The following EGFLAM variants were observed in gnomAD, a reference collection of about 807,000 sequenced individuals.
EGFLAM encodes the protein EGF like, fibronectin type III and laminin G domains, also known as pikachurin.
EGFLAM carries 79 observed loss-of-function variants against 113.1 expected under a neutral mutation model. That is an observed-to-expected ratio of 0.70 (90% CI 0.58 to 0.84). The LOEUF (loss-of-function observed/expected upper bound fraction) is 0.84, where lower values mean the gene tolerates loss of function less well. Ranked by LOEUF, EGFLAM falls within the 40% of genes least tolerant of loss-of-function variation. The pLI is 0.00. For missense variants in EGFLAM, 1,265 were observed against 1,291.6 expected (o/e 0.98, Z 0.32); for synonymous variants, 504 against 487.6 (o/e 1.03, Z -0.44).
intron 1 of EGFLAM, among the ~76,000 whole-genome samples, chr5:38,278,256 T>A (rs74468513): frequency 0.01 from 1,559 of 152,268 alleles, 28 homozygotes; most frequent in African/African-American, 0.036. Flanking sequence ...AGCCAGCTGA[T>A]TTTTGACACA....
intron 2 of EGFLAM, among the ~76,000 whole-genome samples, chr5:38,338,382 C>T (rs146888121): frequency 6.6e-6 from 1 of 152,224 alleles, no homozygotes; most frequent in Non-Finnish European, 1.5e-5. Context: ...TCTCTGGGCT[C>T]ATGTCTTATC....
chr5:38,337,240 C>T (rs1020123490), intron 1 of EGFLAM, among the ~76,000 whole-genome samples: 1 of 152,104 alleles, frequency 6.6e-6, no homozygotes, highest in African/African-American at 2.4e-5. Flanking sequence ...CTATGCTACC[C>T]TGAATCTCCC....
At chr5:38,270,145 G>T (rs1170429726) in intron 1 of EGFLAM, among the ~76,000 whole-genome samples, 1 of 152,218 alleles carries the variant, frequency 6.6e-6, no homozygotes, top group African/African-American at 2.4e-5. Flanking sequence ...TCACTGGTTG[G>T]TATGTGGGGA....
At chr5:38,274,625 G>T (rs1757843016) in intron 1 of EGFLAM, among the ~76,000 whole-genome samples, 1 of 152,126 alleles carries the variant, frequency 6.6e-6, no homozygotes, top group Non-Finnish European at 1.5e-5. Flanking sequence ...AGAAATGAAG[G>T]ATAGATAAAG....
intron 4 of EGFLAM, among the ~76,000 whole-genome samples, chr5:38,351,085 G>A (rs966850188): frequency 6.6e-6 from 1 of 151,518 alleles, no homozygotes; most frequent in Non-Finnish European, 1.5e-5. Flanking sequence ...AGAAGCCAAT[G>A]ACAAATGAGT....
chr5:38,437,675 G>A (rs1161485531), intron 16 of EGFLAM, among the ~76,000 whole-genome samples: 1 of 152,138 alleles, frequency 6.6e-6, no homozygotes, highest in East Asian at 1.9e-4. Context: ...ATGTGCAGCT[G>A]GGTTGAAATC....
At chr5:38,359,217 C>T (rs538730345) in intron 5 of EGFLAM, among the ~76,000 whole-genome samples, 52 of 152,180 alleles carry the variant, frequency 3.4e-4, no homozygotes, top group African/African-American at 1.0e-3. Context: ...CCATGCCTGT[C>T]GTATGCTGTC....
intron 6 of EGFLAM, among the ~76,000 whole-genome samples, chr5:38,395,285 C>A (rs13356150): frequency 0.2 from 29,406 of 147,962 alleles, 3,080 homozygotes; most frequent in Non-Finnish European, 0.2. Context: ...GGTCTGTCAC[C>A]CAGGCTGGAG....
intron 6 of EGFLAM, among the ~76,000 whole-genome samples, chr5:38,386,305 C>T (rs1395667272): frequency 6.6e-6 from 1 of 151,666 alleles, no homozygotes; most frequent in African/African-American, 2.4e-5. Context: ...CAAGCAATGT[C>T]TCCTGCCTCT....
intron 1 of EGFLAM, among the ~76,000 whole-genome samples, chr5:38,294,624 G>A (rs1758410745): frequency 6.6e-6 from 1 of 152,006 alleles, no homozygotes; most frequent in Non-Finnish European, 1.5e-5. Context: ...GATGGTCACA[G>A]GGTGATGCTC....
chr5:38,301,187 G>A (rs7736358), intron 1 of EGFLAM, among the ~76,000 whole-genome samples: 1 of 151,984 alleles, frequency 6.6e-6, no homozygotes, highest in African/African-American at 2.4e-5. Flanking sequence ...AAATGAAGAA[G>A]CCAGAGAGAT....
chr5:38,402,614 A>T (rs1295091644), intron 6 of EGFLAM, among the ~76,000 whole-genome samples: 2 of 152,204 alleles, frequency 1.3e-5, no homozygotes, highest in Non-Finnish European at 2.9e-5. Flanking sequence ...CTTCAATTTT[A>T]GGTAAATTAC....
In EGFLAM at chr5:38,352,734, A is replaced by G. The variant is rs1251037199; in HGVS notation, c.545+403A>G. 5.3e-5 allele frequency among the ~76,000 whole-genome samples: 8 copies of G among 152,108 alleles called. 1 individual carries two copies. In the East Asian group the frequency reaches 1.4e-3, roughly 26 times the overall value. ...GGAGAGTCACCTCCAGGTCTCTACC[A>G]TATATATATTTAAGAGCGAACAGAG... On this transcript the variant is annotated intron_variant, in intron 5 of 21. Transcript: ENST00000322350.
At chr5:38,390,854 A>C (rs1740788951) in intron 6 of EGFLAM, among the ~76,000 whole-genome samples, 1 of 151,986 alleles carries the variant, frequency 6.6e-6, no homozygotes, top group Admixed American at 6.6e-5. Flanking sequence ...TATTTAGCAT[A>C]TAATTTTATA....
chr5:38,268,864 T>G (rs1040240599), intron 1 of EGFLAM, among the ~76,000 whole-genome samples: 3 of 152,190 alleles, frequency 2.0e-5, no homozygotes, highest in Admixed American at 2.0e-4. Flanking sequence ...ATTTCCTACA[T>G]TTTACAAAAG....
intron 6 of EGFLAM, among the ~76,000 whole-genome samples, chr5:38,386,360 A>AC (rs1740662220): frequency 6.6e-6 from 1 of 151,884 alleles, no homozygotes; most frequent in African/African-American, 2.4e-5. Flanking sequence ...CGCCTGGCTA[A>AC]TTTTGTATTT....
intron 1 of EGFLAM, among the ~76,000 whole-genome samples, chr5:38,301,637 G>A (rs1758581416): frequency 1.3e-5 from 2 of 152,080 alleles, no homozygotes; most frequent in African/African-American, 4.8e-5. Context: ...TCTTTAAATA[G>A]CATTATGACA....
intron 1 of EGFLAM, among the ~76,000 whole-genome samples, chr5:38,269,636 C>T (rs183815876): frequency 9.3e-4 from 142 of 151,974 alleles, no homozygotes; most frequent in African/African-American, 2.6e-3. Flanking sequence ...ACTACAGGTG[C>T]GCGCCACCAT....
chr5:38,365,250 A>C (rs1561049634), intron 5 of EGFLAM, among the ~76,000 whole-genome samples: 1 of 152,230 alleles, frequency 6.6e-6, no homozygotes, highest in Non-Finnish European at 1.5e-5. Context: ...AGAGAATACC[A>C]CAGGCTCTCA....
Sources: allele counts gnomAD v4.1 joint callset (sites outside exome capture counted in the v4.1 genomes callset), GRCh38; gene constraint gnomAD v4.1.1; transcripts MANE v1.5; gene names NCBI Gene and HGNC (gene_info 2026-07-23, HGNC 2026-07-21).